RBFOX1: variants seen among roughly 807,000 people sequenced by gnomAD.
The protein encoded by RBFOX1 is RNA binding protein fox-1 homolog 1.
RBFOX1 carries 8 observed loss-of-function variants against 57.7 expected under a neutral mutation model. That is an observed-to-expected ratio of 0.14 (90% CI 0.08 to 0.25). The LOEUF is 0.25. Ranked by LOEUF, RBFOX1 falls within the 10% of genes least tolerant of loss-of-function variation. RBFOX1 has a pLI of 1.00. For missense variants in RBFOX1, 611 were observed against 548.5 expected, an observed-to-expected ratio of 1.11 and a Z score of -1.14; for synonymous variants, 326 against 222.4, an observed-to-expected ratio of 1.47 and a Z score of -4.15.
intron 4 of RBFOX1, among the ~76,000 whole-genome samples, chr16:7,412,018 A>G (rs1282464426): frequency 6.6e-6 from 1 of 152,080 alleles, no homozygotes; most frequent in East Asian, 1.9e-4. Flanking sequence ...GGGATCCTGG[A>G]GCCGAAAAAG....
At chr16:7,239,557 T>G (rs1185473819) in intron 4 of RBFOX1, among the ~76,000 whole-genome samples, 4 of 152,122 alleles carry the variant, frequency 2.6e-5, no homozygotes, top group Admixed American at 6.5e-5. Flanking sequence ...CAAGTGAAAT[T>G]GTCCTGTCAA....
At chr16:7,705,995 G>T (rs145970826) in intron 14 of RBFOX1, among the ~76,000 whole-genome samples, 37 of 152,142 alleles carry the variant, frequency 2.4e-4, no homozygotes, top group Non-Finnish European at 4.7e-4. Flanking sequence ...CATGGCGACC[G>T]TAAGACCTCT....
chr16:5,396,531 A>G (rs2151429666), intron 1 of RBFOX1, among the ~76,000 whole-genome samples: 1 of 152,280 alleles, frequency 6.6e-6, no homozygotes, highest in South Asian at 2.1e-4. Context: ...ATTCCCAACT[A>G]CTCAGGAGGC....
rs189253384 is a variant in RBFOX1, at chr16:6,914,648, A to T, written c.-15-137409A>T. Among the ~76,000 whole-genome samples the T allele has an allele frequency of 3.1e-3, 468 of 152,278 alleles. 3 individuals carry two copies. The highest frequency in any genetic ancestry group is 0.011 in the African/African-American group (450 of 41,550). ...CAGCACTTTGGGAGGCTGAGGCAGG[A>T]GGATTGCTTGAGGCCACGAGTTCAA... is the stretch of plus-strand genomic sequence containing the variant. On this transcript the variant is annotated intron_variant, in intron 3 of 15. Coordinates refer to ENST00000550418, the MANE Select transcript of RBFOX1 (RefSeq NM_018723.4).
At chr16:5,269,089 A>G (rs1309912135) in intron 1 of RBFOX1, among the ~76,000 whole-genome samples, 1 of 136,084 alleles carries the variant, frequency 7.3e-6, no homozygotes, top group East Asian at 2.3e-4. Flanking sequence ...TAATTTTTGT[A>G]TTTTTTTAGT....
At chr16:5,669,712 C>T (rs1176280315) in intron 3 of RBFOX1, among the ~76,000 whole-genome samples, 5 of 152,256 alleles carry the variant, frequency 3.3e-5, no homozygotes, top group South Asian at 2.1e-4. Context: ...GCCACCACGC[C>T]GGGCCCAAGA....
chr16:5,702,384 C>T (rs2051083915), intron 3 of RBFOX1, among the ~76,000 whole-genome samples: 1 of 152,146 alleles, frequency 6.6e-6, no homozygotes, highest in Non-Finnish European at 1.5e-5. Flanking sequence ...GAAATTCACC[C>T]CCATGATGCA....
At chr16:7,002,518 C>T (rs1473918655) in intron 3 of RBFOX1, among the ~76,000 whole-genome samples, 3 of 152,126 alleles carry the variant, frequency 2.0e-5, no homozygotes, top group African/African-American at 7.2e-5. Context: ...TGGAGACCAG[C>T]CTGGCCAAAA....
chr16:5,938,918 A>G (rs1269127006), intron 4 of RBFOX1, among the ~76,000 whole-genome samples: 1 of 152,212 alleles, frequency 6.6e-6, no homozygotes, highest in East Asian at 1.9e-4. Flanking sequence ...TTATGTTAAA[A>G]AAGGATGAGT....
chr16:5,268,610 T>TAG (rs2062921627), intron 1 of RBFOX1, among the ~76,000 whole-genome samples: 1 of 152,242 alleles, frequency 6.6e-6, no homozygotes. Context: ...TGAAGTCATT[T>TAG]AGAGGCCATT....
chr16:6,979,191 T>C (rs2087945504), intron 3 of RBFOX1, among the ~76,000 whole-genome samples: 1 of 152,210 alleles, frequency 6.6e-6, no homozygotes, highest in Non-Finnish European at 1.5e-5. Context: ...GTTGAAAGGT[T>C]ATTTAAATCC....
At chr16:6,976,981 CATAT>C (rs2087103004) in intron 3 of RBFOX1, among the ~76,000 whole-genome samples, 1 of 146,342 alleles carries the variant, frequency 6.8e-6, no homozygotes, top group Admixed American at 6.9e-5. Context: ...TATCACATAT[CATAT>C]ATATCACATG....
chr16:7,232,846 C>G (rs1306297861), intron 4 of RBFOX1, among the ~76,000 whole-genome samples: 2 of 107,668 alleles, frequency 1.9e-5, no homozygotes, highest in Non-Finnish European at 3.5e-5. Context: ...GAAACTTCAT[C>G]TCTTAATTAA....
intron 1 of RBFOX1, among the ~76,000 whole-genome samples, chr16:6,210,337 C>G (rs8046710): frequency 1.1e-4 from 1 of 9,328 alleles, no homozygotes; most frequent in African/African-American, 3.1e-4. Flanking sequence ...AACAAAAAAA[C>G]AAAAAAACAA....
In RBFOX1 at chr16:6,525,019, T is replaced by C. The variant is rs193156064; in HGVS notation, c.-63-129584T>C. Among the ~76,000 whole-genome samples, 39 of 152,302 alleles carry C rather than the reference T, an allele frequency of 2.6e-4. 1 individual carries two copies. In the East Asian group the frequency reaches 7.3e-3, roughly 29 times the overall value. The stretch of plus-strand genomic sequence containing the variant: ...ATAAATTTTCAGAGGACACTCTTAG[T>C]ACAGAGATCTTCATGTTAGTGGGAA... On this transcript the variant is annotated intron_variant, in intron 2 of 15. Transcript: ENST00000550418.
chr16:5,979,104 G>A (rs1232240900), intron 4 of RBFOX1, among the ~76,000 whole-genome samples: 2 of 152,198 alleles, frequency 1.3e-5, no homozygotes, highest in Non-Finnish European at 2.9e-5. Context: ...TGAGACAGCT[G>A]CTTTCTTTTG....
At chr16:7,395,029 G>A (rs1238944783) in intron 4 of RBFOX1, among the ~76,000 whole-genome samples, 7 of 152,284 alleles carry the variant, frequency 4.6e-5, no homozygotes, top group African/African-American at 1.7e-4. Context: ...GTTTGTAGGT[G>A]TATAATAAGT....
intron 4 of RBFOX1, among the ~76,000 whole-genome samples, chr16:7,181,412 T>A (rs2082678051): frequency 6.6e-6 from 1 of 152,110 alleles, no homozygotes; most frequent in Admixed American, 6.5e-5. Flanking sequence ...TAATTAGGGG[T>A]CCCTGAGATT....
intron 2 of RBFOX1, among the ~76,000 whole-genome samples, chr16:6,579,759 AT>A (rs928806642): frequency 6.6e-6 from 1 of 151,676 alleles, no homozygotes; most frequent in Non-Finnish European, 1.5e-5. Context: ...TAATTTTTCA[AT>A]TTTTTTGTAG....
Sources: gnomAD v4.1 joint callset for allele counts (sites outside exome capture counted in the v4.1 genomes callset) on GRCh38, gnomAD v4.1.1 for gene constraint, MANE v1.5 for transcripts, NCBI Gene and HGNC (gene_info 2026-07-23, HGNC 2026-07-21) for gene names.